MAST2: variants seen among roughly 807,000 people sequenced by gnomAD.
MAST2 encodes the protein microtubule associated serine/threonine kinase 2, also known as microtubule-associated serine/threonine-protein kinase 2.
MAST2 carries 70 observed loss-of-function variants against 147.4 expected under a neutral mutation model. The observed-to-expected ratio is 0.47, with a 90% confidence interval of 0.39 to 0.58. The LOEUF is 0.58. MAST2 is among the 20% of genes least tolerant of loss of function. The probability of loss-of-function intolerance (pLI) is 0.00; values close to 1 mark genes in which losing one functional copy is unlikely to be tolerated. For synonymous variants in MAST2, 869 were observed against 896.8 expected, an observed-to-expected ratio of 0.97 and a Z score of 0.55; for missense variants, 2,080 against 2,302.3, an observed-to-expected ratio of 0.90 and a Z score of 1.98.
At chr1:45,880,584 A>G (rs1403977673) in intron 3 of MAST2, among the ~76,000 whole-genome samples, 5 of 152,242 alleles carry the variant, frequency 3.3e-5, no homozygotes, top group Admixed American at 2.0e-4. Context: ...AAATTTACCT[A>G]GAAAAACACA....
chr1:45,966,125 C>CT (rs1661157518), intron 5 of MAST2, among the ~76,000 whole-genome samples: 1 of 152,190 alleles, frequency 6.6e-6, no homozygotes, highest in African/African-American at 2.4e-5. Context: ...ATACAATAGC[C>CT]TTTTCAGACT....
chr1:45,976,319 G>A (rs546657976), intron 5 of MAST2, among the ~76,000 whole-genome samples: 13 of 152,178 alleles, frequency 8.5e-5, no homozygotes, highest in Admixed American at 2.6e-4. Context: ...AAAGTGGTCC[G>A]GGCACAGTGA....
At chr1:45,995,205 G>C (rs1355747498) in intron 5 of MAST2, among the ~76,000 whole-genome samples, 2 of 152,112 alleles carry the variant, frequency 1.3e-5, no homozygotes, top group African/African-American at 4.8e-5. Context: ...CGAGAAATCT[G>C]CTATAATCCT....
rs116818406 is a variant in MAST2 at position 45,969,430 on chromosome 1, C to T, written c.592+9953C>T. Among the ~76,000 whole-genome samples, 1,013 of 152,260 alleles carry T rather than the reference C, an allele frequency of 6.7e-3. 12 individuals carry two copies. The highest frequency in any genetic ancestry group is 0.023 in the African/African-American group (974 of 41,536). On this transcript the variant is annotated intron_variant, in intron 5 of 28. Transcript: ENST00000361297. The stretch of plus-strand genomic sequence containing the variant: ...ACCAGGCCACACAGTAGGAGGTAAG[C>T]GTCAGACAATCAAGTGAAGCTACAT...
At chr1:45,985,603 C>T (rs1280665298) in intron 5 of MAST2, among the ~76,000 whole-genome samples, 3 of 152,070 alleles carry the variant, frequency 2.0e-5, no homozygotes, top group African/African-American at 4.8e-5. Flanking sequence ...TTTTGTCTGG[C>T]GTCTTGTCCT....
intron 3 of MAST2, chr1:45,847,469 A>G: frequency 1.6e-6 from 1 of 638,412 alleles, no homozygotes; most frequent in Non-Finnish European, 2.8e-6. Flanking sequence ...TAAGATTGAA[A>G]CACAAGGCCT....
chr1:46,029,709 G>A (rs1646560694), intron 19 of MAST2, 122 bp from the exon 20 acceptor site: 1 of 1,406,360 alleles, frequency 7.1e-7, no homozygotes, highest in Non-Finnish European at 9.8e-7. Flanking sequence ...GGCAGAAAAG[G>A]GAAGATGCTT....
intron 3 of MAST2, among the ~76,000 whole-genome samples, chr1:45,860,710 T>G (rs1645952749): frequency 6.6e-6 from 1 of 151,492 alleles, no homozygotes; most frequent in Non-Finnish European, 1.5e-5. Context: ...CGGGTGCCTG[T>G]AATCCCAGCT....
At chr1:45,987,772 T>TTTG in intron 5 of MAST2, among the ~76,000 whole-genome samples, 1 of 129,162 alleles carries the variant, frequency 7.7e-6, no homozygotes, top group African/African-American at 3.0e-5. Context: ...GTTTTTTTTT[T>TTTG]TTTGATTTTT....
At chr1:46,019,909 T>C (rs756613725) in intron 11 of MAST2, among the ~76,000 whole-genome samples, 38 of 152,322 alleles carry the variant, frequency 2.5e-4, no homozygotes, top group South Asian at 1.0e-3. Flanking sequence ...GAATTATTAG[T>C]CTAGGCCACC....
At chr1:46,013,091 T>A (rs1286272808) in intron 10 of MAST2, among the ~76,000 whole-genome samples, 1 of 152,080 alleles carries the variant, frequency 6.6e-6, no homozygotes, top group Non-Finnish European at 1.5e-5. Context: ...TTTAGAATAA[T>A]AAAAGTCAGT....
Position 45,882,003 on chromosome 1 carries a change from C to T in MAST2, c.469-361C>T, listed in dbSNP as rs1432154662. Among the ~76,000 whole-genome samples, 82 of 126,044 alleles carry T rather than the reference C, an allele frequency of 6.5e-4. 1 individual carries two copies. In the East Asian group the frequency reaches 7.8e-3, roughly 12 times the overall value. 82.7% of individuals were successfully genotyped at this position (126,044 alleles called of 152,430 possible). On this transcript the variant is annotated intron_variant, in intron 3 of 28. Coordinates refer to ENST00000361297, the MANE Select transcript of MAST2 (RefSeq NM_015112.3). ...CATCCTGGCTAACACGGTGAAACCCCGTCTCTACTAAAAAAAAAAAAAAAA... is the reference window on the plus strand; with the variant it reads ...CATCCTGGCTAACACGGTGAAACCCTGTCTCTACTAAAAAAAAAAAAAAAA...
chr1:45,821,824 A>C (rs1435467388), intron 1 of MAST2, among the ~76,000 whole-genome samples: 30 of 146,108 alleles, frequency 2.1e-4, no homozygotes, highest in Admixed American at 2.0e-3. Context: ...GCCTCTTCAC[A>C]TGTTCTTACT....
At chr1:46,014,549 C>T (rs1224173009) in intron 10 of MAST2, among the ~76,000 whole-genome samples, 1 of 151,772 alleles carries the variant, frequency 6.6e-6, no homozygotes, top group Admixed American at 6.6e-5. Context: ...TGTATATGTG[C>T]CACATTTTCT....
Position 46,010,868 on chromosome 1 carries a change from T to A in MAST2, c.1117T>A (p.Ser373Thr), listed in dbSNP as rs764405055. ...IEMARDCLDK[S>T]RSGLITSQYF... ...GATGGCCCGAGACTGCCTGGATAAATCTCGGAGTGGCCTCATTACATCACA... is the reference window on the plus strand; with the variant it reads ...GATGGCCCGAGACTGCCTGGATAAAACTCGGAGTGGCCTCATTACATCACA... Residue 373 changes from serine to threonine, a missense_variant, in exon 10 of 29, where the codon TCT (serine) becomes ACT (threonine). Coordinates refer to ENST00000361297, the MANE Select transcript of MAST2 (RefSeq NM_015112.3). The A allele has an allele frequency of 6.2e-7, 1 of 1,614,216 alleles. No homozygotes were observed. Among genetic ancestry groups the A allele is most frequent in the Non-Finnish European group, 8.5e-7 (1 of 1,180,040 alleles).
intron 4 of MAST2, among the ~76,000 whole-genome samples, chr1:45,922,461 G>A (rs1653665780): frequency 6.6e-6 from 1 of 152,208 alleles, no homozygotes; most frequent in Non-Finnish European, 1.5e-5. Context: ...TCCCATGCTT[G>A]TCAGTGCCCA....
intron 22 of MAST2, 91 bp downstream of exon 22, chr1:46,030,852 G>T: frequency 6.8e-7 from 1 of 1,478,394 alleles, no homozygotes. Flanking sequence ...AGGGAGGAGT[G>T]CAGGTGGCAG....
At chr1:45,919,391 G>GA (rs1041554632) in intron 4 of MAST2, among the ~76,000 whole-genome samples, 17 of 150,460 alleles carry the variant, frequency 1.1e-4, no homozygotes, top group South Asian at 2.1e-4. Flanking sequence ...GAAGCCAGTT[G>GA]AAAAAAAAAT....
chr1:45,904,174 ATT>A (rs34657132), intron 4 of MAST2, among the ~76,000 whole-genome samples: 2 of 141,320 alleles, frequency 1.4e-5, no homozygotes, highest in African/African-American at 2.6e-5. Flanking sequence ...CTAATTTTTA[ATT>A]TTTTTTTTTT....
Sources: allele counts gnomAD v4.1 joint callset (sites outside exome capture counted in the v4.1 genomes callset), GRCh38; gene constraint gnomAD v4.1.1; transcripts MANE v1.5; gene names NCBI Gene and HGNC (gene_info 2026-07-23, HGNC 2026-07-21).